Variants in SNTG2 observed in about 807,000 individuals in gnomAD.
SNTG2 encodes the protein syntrophin gamma 2, also known as gamma-2-syntrophin.
A neutral mutation model predicts 70.9 loss-of-function variants in SNTG2; 74 were observed. The observed-to-expected ratio is 1.04, with a 90% CI of 0.86 to 1.27. SNTG2 has a LOEUF of 1.27. Ranked by LOEUF, SNTG2 falls within the 50% of genes most tolerant of loss-of-function variation. SNTG2 has a pLI of 0.00. For synonymous variants in SNTG2, 278 were observed against 273.8 expected (o/e 1.02, Z -0.15); for missense variants, 717 against 690.7 (o/e 1.04, Z -0.43).
intron 1 of SNTG2, among the ~76,000 whole-genome samples, chr2:1,052,955 GAT>G (rs1662158957): frequency 6.6e-6 from 1 of 152,232 alleles, no homozygotes; most frequent in Admixed American, 6.5e-5. Context: ...TCCCCTCCTG[GAT>G]CTGTGGTGAT....
At position 1,055,088 on chromosome 2, in the gene SNTG2, G is replaced by A. The variant is rs184983228; in HGVS notation, c.73-28430G>A. Among the ~76,000 whole-genome samples the A allele has an allele frequency of 2.4e-4, 37 of 152,258 alleles. No homozygotes were observed. In the East Asian group the frequency reaches 4.8e-3, roughly 20 times the overall value. On this transcript the variant is annotated intron_variant, in intron 1 of 16. Coordinates refer to ENST00000308624, the MANE Select transcript of SNTG2 (RefSeq NM_018968.4). ...CTGTTACCTCCTCTGTGCAGCCCAC[G>A]TCAGGTACTGCTGTGTGTTGCTATA...
intron 16 of SNTG2, among the ~76,000 whole-genome samples, chr2:1,330,266 A>T (rs1659455742): frequency 6.6e-6 from 1 of 152,340 alleles, no homozygotes; most frequent in East Asian, 1.9e-4. Flanking sequence ...TTAAACAAAT[A>T]ATTCAAATTA....
At chr2:1,017,377 G>A (rs77737380) in intron 1 of SNTG2, among the ~76,000 whole-genome samples, 3,081 of 152,218 alleles carry the variant, frequency 0.02, 108 homozygotes, top group African/African-American at 0.069. Flanking sequence ...GCAGACACAC[G>A]TATACACACA....
At chr2:1,114,896 A>G (rs1330559087) in intron 4 of SNTG2, among the ~76,000 whole-genome samples, 1 of 151,604 alleles carries the variant, frequency 6.6e-6, no homozygotes, top group Non-Finnish European at 1.5e-5. Flanking sequence ...GTGTGGTTTA[A>G]CCCTTACAGT....
At chr2:1,251,436 CCACACACA>C (rs909504468) in intron 12 of SNTG2, among the ~76,000 whole-genome samples, 1 of 125,420 alleles carries the variant, frequency 8.0e-6, no homozygotes, top group Admixed American at 7.9e-5. Flanking sequence ...ACACCACACA[CCACACACA>C]CCACACACTA....
chr2:1,172,975 C>A, intron 7 of SNTG2, 117 bp from the exon 8 acceptor site: 1 of 859,236 alleles, frequency 1.2e-6, no homozygotes, highest in Non-Finnish European at 1.9e-6. Flanking sequence ...TAACTGGACA[C>A]CAGGCATTTT....
intron 7 of SNTG2, among the ~76,000 whole-genome samples, chr2:1,171,522 G>A (rs993584118): frequency 6.6e-6 from 1 of 152,294 alleles, no homozygotes; most frequent in East Asian, 1.9e-4. Flanking sequence ...GCTTCTGAAC[G>A]CTAAAGGGCA....
In SNTG2 at chr2:1,138,174, C is replaced by T. The variant is rs866014439; in HGVS notation, c.411+365C>T. Among the ~76,000 whole-genome samples the T allele has an allele frequency of 7.9e-5, 12 of 152,214 alleles. 1 individual carries two copies. Among genetic ancestry groups the T allele is most frequent in the South Asian group, 4.1e-4 (2 of 4,832 alleles). On this transcript the variant is annotated intron_variant, in intron 6 of 16. Transcript: ENST00000308624. ...GTGTCAGGGCTTCACAGGGTCTCCC[C>T]GTACCGCCCGGGCGCTGGAGCCTGC...
intron 16 of SNTG2, among the ~76,000 whole-genome samples, chr2:1,355,131 A>G (rs1660774656): frequency 6.6e-6 from 1 of 152,202 alleles, no homozygotes; most frequent in South Asian, 2.1e-4. Context: ...CGTTAGTGCC[A>G]TTTATACCTT....
intron 2 of SNTG2, among the ~76,000 whole-genome samples, chr2:1,090,005 C>A (rs1212535265): frequency 7.2e-5 from 11 of 152,306 alleles, no homozygotes; most frequent in Non-Finnish European, 7.3e-5. Context: ...ACCGACTGTT[C>A]CATTTACATT....
At chr2:1,220,569 T>C (rs1674686868) in intron 9 of SNTG2, among the ~76,000 whole-genome samples, 1 of 152,234 alleles carries the variant, frequency 6.6e-6, no homozygotes, top group African/African-American at 2.4e-5. Context: ...TGCTGGCTGC[T>C]AGCAGGTGAC....
chr2:1,170,890 T>A (rs2147877702), intron 7 of SNTG2, among the ~76,000 whole-genome samples: 1 of 152,258 alleles, frequency 6.6e-6, no homozygotes, highest in East Asian at 1.9e-4. Flanking sequence ...CTGGGTCCTC[T>A]GGTGACTCTA....
At chr2:1,151,415 C>T (rs927985845) in intron 6 of SNTG2, among the ~76,000 whole-genome samples, 7 of 143,402 alleles carry the variant, frequency 4.9e-5, no homozygotes, top group African/African-American at 1.9e-4. Flanking sequence ...CAAACATTTC[C>T]TAATGTTTTG....
chr2:1,214,791 T>G (rs73173530), intron 9 of SNTG2, among the ~76,000 whole-genome samples: 2,048 of 152,272 alleles, frequency 0.013, 48 homozygotes, highest in African/African-American at 0.047. Flanking sequence ...GTGGTGAGAG[T>G]GCACATATTT....
chr2:1,103,938 A>G (rs7562255), intron 4 of SNTG2, among the ~76,000 whole-genome samples: 22,393 of 152,236 alleles, frequency 0.15, 1,776 homozygotes, highest in Admixed American at 0.16. Context: ...AAAGATACAA[A>G]TGAAATTATT....
At chr2:1,295,160 G>T (rs1302489694) in intron 14 of SNTG2, among the ~76,000 whole-genome samples, 1 of 152,204 alleles carries the variant, frequency 6.6e-6, no homozygotes, top group Non-Finnish European at 1.5e-5. Context: ...GTGTGGCCAT[G>T]AGCTCTGTGG....
Position 1,179,101 on chromosome 2 carries a change from G to A in SNTG2, c.591+5918G>A, listed in dbSNP as rs1572657516. On this transcript the variant is annotated intron_variant, in intron 8 of 16. Coordinates refer to ENST00000308624, the MANE Select transcript of SNTG2 (RefSeq NM_018968.4). ...CTAGTTTATTTGCATAGAGGTGTTT[G>A]TAGTATTCTTTGATGGTAGTTTGCA... 3.3e-5 allele frequency among the ~76,000 whole-genome samples: 5 copies of A among 152,298 alleles called. No homozygotes were observed. In the South Asian group the frequency reaches 1.0e-3, roughly 32 times the overall value.
At chr2:1,210,680 G>T (rs7579340) in intron 9 of SNTG2, 27,808 of 152,116 alleles carry the variant, frequency 0.18, 5,060 homozygotes, top group African/African-American at 0.47. Context: ...TCTATTCATG[G>T]TGAGTTTCCT....
At chr2:1,256,001 A>C in intron 12 of SNTG2, among the ~76,000 whole-genome samples, 1 of 148,866 alleles carries the variant, frequency 6.7e-6, no homozygotes, top group East Asian at 2.0e-4. Flanking sequence ...TTGCTTAAGG[A>C]CAGGTATATA....
Sources: gnomAD v4.1 joint callset for allele counts (sites outside exome capture counted in the v4.1 genomes callset) on GRCh38, gnomAD v4.1.1 for gene constraint, MANE v1.5 for transcripts, NCBI Gene and HGNC (gene_info 2026-07-23, HGNC 2026-07-21) for gene names.